The following NCOR2 variants were observed in gnomAD, a reference collection of about 807,000 sequenced individuals.
NCOR2 encodes the protein CTG repeat protein 26.
Under a neutral mutation model 262.9 loss-of-function variants are expected in NCOR2, and 81 were observed. The ratio of observed to expected loss-of-function variants is 0.31; its 90% CI spans 0.26 to 0.37. The LOEUF (loss-of-function observed/expected upper bound fraction) is 0.37. NCOR2 is among the 10% of genes least tolerant of loss of function. NCOR2 has a pLI of 1.00. For missense variants in NCOR2, 3,385 were observed against 3,621.4 expected, an observed-to-expected ratio of 0.93 and a Z score of 1.68; for synonymous variants, 1,659 against 1,559.3, an observed-to-expected ratio of 1.06 and a Z score of -1.51.
chr12:124,355,358 C>T, intron 24 of NCOR2, 74 bp downstream of exon 26: 1 of 1,550,722 alleles, frequency 6.4e-7, no homozygotes, highest in Non-Finnish European at 8.7e-7. Context: ...CCCACTCAGA[C>T]TTCATTGGTC....
chr12:124,564,244 T>C (rs2052161486), intron 1 of NCOR2, among the ~76,000 whole-genome samples: 1 of 152,188 alleles, frequency 6.6e-6, no homozygotes. Flanking sequence ...CAAGCATCAC[T>C]TCCCTGGGGA....
Position 124,563,062 on chromosome 12 carries a change from C to T in NCOR2, c.-165+4246G>A, listed in dbSNP as rs542951902. ...CTGAACAGCAAACCCAATATTCATG[C>T]CCTTTGCCCCTAAAGGCTCTCCAAT... On this transcript the variant is annotated intron_variant, in intron 1 of 32. Transcript: ENST00000458234. 3.3e-5 allele frequency among the ~76,000 whole-genome samples: 5 copies of T among 152,338 alleles called. No individual in the cohort carries two copies. In the East Asian group the frequency reaches 9.7e-4, roughly 29 times the overall value.
At chr12:124,362,065 C>T in intron 22 of NCOR2, 61 bp downstream of exon 24, 1 of 1,235,804 alleles carries the variant, frequency 8.1e-7, no homozygotes, top group Non-Finnish European at 1.0e-6. Context: ...GACACACAAA[C>T]ATCCCTTGCC....
chr12:124,353,256 G>A (rs1175576631), intron 27 of NCOR2, among the ~76,000 whole-genome samples: 1 of 152,244 alleles, frequency 6.6e-6, no homozygotes, highest in East Asian at 1.9e-4. Context: ...AACGGAGTCA[G>A]GGCAGGCCGC....
rs2041949889 is a variant in NCOR2, at chr12:124,400,796, C to T, written c.1641-123G>A. 4 of 1,281,848 alleles carry T rather than the reference C, an allele frequency of 3.1e-6. No individual in the cohort carries two copies. In the South Asian group the frequency reaches 4.2e-5, roughly 13 times the overall value. The allele number at this position is 1,281,848 out of a possible 1,614,324, so 79.4% of individuals were successfully genotyped here. A position where few individuals can be genotyped will look rare whatever the true frequency, so the allele number is the denominator to read the frequency against. Reference sequence around the variant, plus strand: ...TGCCAGCCATGGCACTAATCGGACGCTAGGAAAGAGGGGGAGAGGCCTGAG... The same window carrying T: ...TGCCAGCCATGGCACTAATCGGACGTTAGGAAAGAGGGGGAGAGGCCTGAG... On this transcript the variant is annotated intron_variant, in intron 14 of 46. Coordinates refer to ENST00000405201, the Ensembl canonical transcript of NCOR2.
chr12:124,555,322 A>G (rs1306183840), intron 1 of NCOR2, among the ~76,000 whole-genome samples: 1 of 152,154 alleles, frequency 6.6e-6, no homozygotes, highest in Non-Finnish European at 1.5e-5. Flanking sequence ...CCCCTGCACC[A>G]GGACACCTGC....
chr12:124,530,696 C>T (rs1329285059), intron 1 of NCOR2, among the ~76,000 whole-genome samples: 1 of 152,172 alleles, frequency 6.6e-6, no homozygotes, highest in Non-Finnish European at 1.5e-5. Context: ...CCCCTTAGGG[C>T]AAATCGCTTT....
rs2043122284 is a variant in NCOR2 at position 124,419,937 on chromosome 12, AC to A, written c.1482+19del. 1.9e-6 allele frequency: 3 copies of A among 1,604,222 alleles called. No homozygotes were observed. Among genetic ancestry groups the A allele is most frequent in the Non-Finnish European group, 2.6e-6 (3 of 1,171,464 alleles). Reference sequence around the variant, plus strand: ...ATGCAGGGAGCCTGCAAGGACAGTCACCCCCACCTTGCCTCTTACCTGGCTC... The same window carrying A: ...ATGCAGGGAGCCTGCAAGGACAGTCACCCCACCTTGCCTCTTACCTGGCTC... On this transcript the variant is annotated intron_variant, in intron 13 of 46. Transcript: ENST00000405201.
At chr12:124,393,873 T>G (rs1376506362) in intron 16 of NCOR2, among the ~76,000 whole-genome samples, 1 of 152,260 alleles carries the variant, frequency 6.6e-6, no homozygotes, top group Non-Finnish European at 1.5e-5. Context: ...CAGGATGGGC[T>G]CCACGGTGTT....
chr12:124,428,492 A>G (rs1309769952), intron 10 of NCOR2, among the ~76,000 whole-genome samples: 5 of 152,220 alleles, frequency 3.3e-5, no homozygotes. Flanking sequence ...CAGCTGAATC[A>G]GAGTCTCTGG....
chr12:124,354,056 C>T (rs754548255), intron 27 of NCOR2, 37 bp downstream of exon 29: 9 of 1,576,294 alleles, frequency 5.7e-6, no homozygotes, highest in Middle Eastern at 1.7e-4. Flanking sequence ...CCGTGCTGGT[C>T]CCAACCGTCC....
exon 46 of NCOR2, chr12:124,326,370 C>T: frequency 1.3e-6 from 2 of 1,488,334 alleles, no homozygotes; most frequent in East Asian, 5.1e-5. Flanking sequence ...CCCGCCGCCA[C>T]CTGCAGGGGG....
At chr12:124,499,717 T>C (rs2048590559), upstream of NCOR2, among the ~76,000 whole-genome samples, 1 of 152,106 alleles carries the variant, frequency 6.6e-6, no homozygotes, top group Non-Finnish European at 1.5e-5. Context: ...GACAGAGTCA[T>C]TCAGGGCCCC....
At chr12:124,348,640 C>T (rs1695819029) in intron 28 of NCOR2, 2 of 396,770 alleles carry the variant, frequency 5.0e-6, no homozygotes, top group African/African-American at 2.1e-5. Context: ...AGTCTGTGTC[C>T]ACACCCACGG....
chr12:124,533,332 G>A (rs1447052778), intron 1 of NCOR2, among the ~76,000 whole-genome samples: 3 of 152,166 alleles, frequency 2.0e-5, no homozygotes, highest in Admixed American at 6.5e-5. Flanking sequence ...TGCTTTGGCA[G>A]GGCTGTTCCC....
At chr12:124,326,432 G>A (rs2034646175) in intron 45 of NCOR2, 62 bp from the exon 48 acceptor site, 2 of 1,394,100 alleles carry the variant, frequency 1.4e-6, no homozygotes, top group East Asian at 2.8e-5. Context: ...CGACGCTACG[G>A]TGGGGCCACA....
At chr12:124,461,504 A>T (rs746419267) in intron 5 of NCOR2, among the ~76,000 whole-genome samples, 1 of 152,258 alleles carries the variant, frequency 6.6e-6, no homozygotes. Context: ...GCTGGGGCAC[A>T]CAAGTCCTTA....
At chr12:124,367,107 C>T (rs2039100978) in intron 20 of NCOR2, among the ~76,000 whole-genome samples, 1 of 152,142 alleles carries the variant, frequency 6.6e-6, no homozygotes, top group South Asian at 2.1e-4. Flanking sequence ...GCCACTGTCC[C>T]ATGCAGTCTG....
chr12:124,562,672 C>T (rs922920560), intron 1 of NCOR2, among the ~76,000 whole-genome samples: 3 of 152,182 alleles, frequency 2.0e-5, no homozygotes, highest in Non-Finnish European at 4.4e-5. Flanking sequence ...GAAACACCAA[C>T]GACCAACGGG....
Sources: allele counts gnomAD v4.1 joint callset (sites outside exome capture counted in the v4.1 genomes callset), GRCh38; gene constraint gnomAD v4.1.1; transcripts MANE v1.5; gene names NCBI Gene and HGNC (gene_info 2026-07-23, HGNC 2026-07-21).